Variants in BICD1 observed in about 807,000 individuals in gnomAD.
BICD1 encodes protein bicaudal D homolog 1.
BICD1 carries 35 observed loss-of-function variants against 92.5 expected under a neutral mutation model. The observed-to-expected ratio is 0.38, with a 90% confidence interval of 0.29 to 0.50. The LOEUF (loss-of-function observed/expected upper bound fraction) is 0.50, where lower values mean the gene tolerates loss of function less well. Among genes scored for constraint, BICD1 ranks in the 20% least tolerant of loss-of-function variants. The probability of loss-of-function intolerance (pLI) is 0.93; values close to 1 mark genes in which losing one functional copy is unlikely to be tolerated. For missense variants in BICD1, 950 were observed against 1,189.8 expected (o/e 0.80, Z 2.97); for synonymous variants, 429 against 465.1 (o/e 0.92, Z 1.00).
At chr12:32,272,909 AAAAG>A (rs1424713269) in intron 2 of BICD1, among the ~76,000 whole-genome samples, 2 of 152,238 alleles carry the variant, frequency 1.3e-5, no homozygotes, top group Non-Finnish European at 2.9e-5. Context: ...ATGTTCGTAT[AAAAG>A]AAAGAAAAGA....
intron 4 of BICD1, among the ~76,000 whole-genome samples, chr12:32,326,610 C>T (rs1322992950): frequency 1.3e-5 from 2 of 152,162 alleles, no homozygotes; most frequent in African/African-American, 4.8e-5. Flanking sequence ...CAAAGCTGGG[C>T]GTGGTGGCTC....
At chr12:32,240,189 AG>A (rs1360561714) in intron 2 of BICD1, among the ~76,000 whole-genome samples, 3 of 152,182 alleles carry the variant, frequency 2.0e-5, no homozygotes, top group African/African-American at 7.2e-5. Flanking sequence ...TGATTCCCCA[AG>A]GACCAATTTT....
chr12:32,173,026 C>G (rs1296743816), intron 1 of BICD1, among the ~76,000 whole-genome samples: 1 of 151,886 alleles, frequency 6.6e-6, no homozygotes. Flanking sequence ...GAGTCCCGCC[C>G]TGTTCAGGCA....
chr12:32,118,091 A>ATTTTATTTTATTTTATTT (rs1555126592), intron 1 of BICD1, among the ~76,000 whole-genome samples: 1 of 46,832 alleles, frequency 2.1e-5, no homozygotes, highest in African/African-American at 6.7e-5. Context: ...TATTTTATTT[A>ATTTTATTTTATTTTATTT]TTTTTTTTGA....
intron 2 of BICD1, among the ~76,000 whole-genome samples, chr12:32,234,481 C>T (rs1430039804): frequency 6.6e-6 from 1 of 151,716 alleles, no homozygotes; most frequent in Admixed American, 6.6e-5. Flanking sequence ...CCTGTAATCC[C>T]AGCTACTTGG....
At chr12:32,210,414 T>G (rs979660319) in intron 1 of BICD1, among the ~76,000 whole-genome samples, 17 of 152,178 alleles carry the variant, frequency 1.1e-4, no homozygotes, top group African/African-American at 4.1e-4. Context: ...TTTATTTCTT[T>G]TATCTTTTAT....
chr12:32,267,813 G>GT (rs1947039119), intron 2 of BICD1, among the ~76,000 whole-genome samples: 2 of 151,986 alleles, frequency 1.3e-5, no homozygotes, highest in Admixed American at 1.3e-4. Context: ...TTTAAAATAA[G>GT]TTTTTTTAGA....
At chr12:32,153,312 A>G (rs1456683448) in intron 1 of BICD1, among the ~76,000 whole-genome samples, 2 of 152,166 alleles carry the variant, frequency 1.3e-5, no homozygotes, top group African/African-American at 2.4e-5. Flanking sequence ...TATCCAAGCC[A>G]CTGTTGATGG....
At chr12:32,291,578 C>T (rs1470384816) in intron 2 of BICD1, among the ~76,000 whole-genome samples, 1 of 151,896 alleles carries the variant, frequency 6.6e-6, no homozygotes, top group East Asian at 1.9e-4. Flanking sequence ...CACAGTGGCT[C>T]ACACCTGTAA....
chr12:32,249,901 A>G (rs532834685), intron 2 of BICD1, among the ~76,000 whole-genome samples: 2 of 151,820 alleles, frequency 1.3e-5, no homozygotes, highest in East Asian at 3.9e-4. Flanking sequence ...TGAAAAGGAA[A>G]TAAAAGGGAT....
intron 4 of BICD1, among the ~76,000 whole-genome samples, chr12:32,320,296 A>G (rs1267853920): frequency 6.6e-6 from 1 of 152,174 alleles, no homozygotes; most frequent in African/African-American, 2.4e-5. Context: ...GCATGAGGCC[A>G]GGAACTCAAG....
At chr12:32,244,876 C>T (rs146376465) in intron 2 of BICD1, among the ~76,000 whole-genome samples, 1 of 152,280 alleles carries the variant, frequency 6.6e-6, no homozygotes, top group East Asian at 1.9e-4. Context: ...ATCTGCCTGC[C>T]TTGGCCTCCC....
At chr12:32,300,040 T>A (rs952996196) in intron 3 of BICD1, among the ~76,000 whole-genome samples, 3 of 151,890 alleles carry the variant, frequency 2.0e-5, no homozygotes, top group Non-Finnish European at 4.4e-5. Flanking sequence ...TACATGGGAG[T>A]GTGTTCCAAT....
intron 1 of BICD1, among the ~76,000 whole-genome samples, chr12:32,212,696 T>C (rs970958464): frequency 2.0e-5 from 3 of 152,232 alleles, no homozygotes; most frequent in Non-Finnish European, 4.4e-5. Context: ...GTGCTGGGAT[T>C]ACAGGCGTGA....
At chr12:32,362,086 G>A (rs1246315688) in intron 8 of BICD1, among the ~76,000 whole-genome samples, 4 of 152,226 alleles carry the variant, frequency 2.6e-5, no homozygotes, top group African/African-American at 7.2e-5. Context: ...TTGGCTGGGC[G>A]CAGTGGCTCA....
At chr12:32,239,044 A>G (rs1229793930) in intron 2 of BICD1, among the ~76,000 whole-genome samples, 1 of 148,234 alleles carries the variant, frequency 6.7e-6, no homozygotes, top group East Asian at 2.0e-4. Flanking sequence ...CAGGAGATCA[A>G]GACCGTGCTG....
chr12:32,338,265 C>T (rs1938215025), intron 7 of BICD1: 1 of 176,526 alleles, frequency 5.7e-6, no homozygotes, highest in Non-Finnish European at 1.2e-5. Flanking sequence ...AATATGTTCT[C>T]TTAGGGAAAC....
chr12:32,303,498 C>T (rs926327498), intron 3 of BICD1, among the ~76,000 whole-genome samples: 10 of 152,176 alleles, frequency 6.6e-5, no homozygotes, highest in African/African-American at 2.4e-4. Context: ...GTAAAGGCTA[C>T]ATTCTTCACT....
rs200818628 is a variant in BICD1 at position 32,295,094 on chromosome 12, A to G, written c.579+948A>G. 2.7e-5 allele frequency among the ~76,000 whole-genome samples: 4 copies of G among 149,346 alleles called. No homozygotes were observed. In the East Asian group the frequency reaches 5.9e-4, roughly 22 times the overall value. On this transcript the variant is annotated intron_variant, in intron 3 of 9. Coordinates refer to ENST00000652176, the MANE Select transcript of BICD1 (RefSeq NM_001714.4). ...GAGATTCCGTCTCGAAAAAAAAAAA[A>G]AAAAAGAAAAAGAAAATGCCTGTTT... is the stretch of plus-strand genomic sequence containing the variant.
Sources: gnomAD v4.1 joint callset for allele counts (sites outside exome capture counted in the v4.1 genomes callset) on GRCh38, gnomAD v4.1.1 for gene constraint, MANE v1.5 for transcripts, NCBI Gene and HGNC (gene_info 2026-07-23, HGNC 2026-07-21) for gene names.